The following PALM2AKAP2 variants were observed in gnomAD, a reference collection of about 807,000 sequenced individuals.
PALM2AKAP2 encodes PALM2 and AKAP2 fusion.
A neutral mutation model predicts 71.5 loss-of-function variants in PALM2AKAP2; 37 were observed. The observed-to-expected ratio is 0.52, with a 90% CI of 0.40 to 0.68. The LOEUF (loss-of-function observed/expected upper bound fraction) is 0.68. Among genes scored for constraint, PALM2AKAP2 ranks in the 30% least tolerant of loss-of-function variants. The pLI is 0.00. For missense variants in PALM2AKAP2, 1,224 were observed against 1,191.8 expected (o/e 1.03, Z -0.40); for synonymous variants, 468 against 478.8 (o/e 0.98, Z 0.29).
intron 1 of PALM2AKAP2, among the ~76,000 whole-genome samples, chr9:110,078,780 C>T (rs1834380341): frequency 6.6e-6 from 1 of 152,186 alleles, no homozygotes; most frequent in Non-Finnish European, 1.5e-5. Flanking sequence ...AGTAAACAAC[C>T]TCCCTTTGTA....
intron 1 of PALM2AKAP2, among the ~76,000 whole-genome samples, chr9:109,714,278 C>T (rs554405927): frequency 1.4e-4 from 21 of 152,252 alleles, no homozygotes; most frequent in South Asian, 8.3e-4. Context: ...AGGTTCATTA[C>T]GAAATCTCTC....
At chr9:109,671,627 G>T (rs1300575102) in intron 1 of PALM2AKAP2, among the ~76,000 whole-genome samples, 3 of 152,058 alleles carry the variant, frequency 2.0e-5, no homozygotes, top group Non-Finnish European at 4.4e-5. Flanking sequence ...CTAGTTCTGT[G>T]GAGAATATCA....
intron 6 of PALM2AKAP2, among the ~76,000 whole-genome samples, chr9:109,972,326 C>T (rs551803847): frequency 2.6e-5 from 4 of 152,310 alleles, no homozygotes; most frequent in South Asian, 4.1e-4. Context: ...CTTACCATTC[C>T]GTTGTCTTGA....
chr9:110,159,644 A>G (rs1394769003), intron 3 of PALM2AKAP2, among the ~76,000 whole-genome samples: 1 of 152,228 alleles, frequency 6.6e-6, no homozygotes, highest in Non-Finnish European at 1.5e-5. Context: ...AGTGAAAGAC[A>G]GAAGGAGAAA....
intron 6 of PALM2AKAP2, among the ~76,000 whole-genome samples, chr9:109,937,617 C>A (rs1831257464): frequency 6.6e-6 from 1 of 152,114 alleles, no homozygotes; most frequent in South Asian, 2.1e-4. Context: ...ATACTCCAAT[C>A]TCATTGTCAT....
At chr9:109,658,317 A>G (rs1159004354) in intron 1 of PALM2AKAP2, among the ~76,000 whole-genome samples, 2 of 152,148 alleles carry the variant, frequency 1.3e-5, no homozygotes, top group Non-Finnish European at 2.9e-5. Flanking sequence ...ACAAGATTCA[A>G]GTTGATAGGC....
rs528489533 is a variant in PALM2AKAP2 at position 109,848,540 on chromosome 9, G to A, written c.46-18951G>A. ...GCCTCCTAGAGCTCATGTCATGGCA[G>A]GACTGAGGGAAGTAGTCAGTTCTTG... is the stretch of plus-strand genomic sequence containing the variant. On this transcript the variant is annotated intron_variant, in intron 1 of 9. Coordinates refer to the PALM2AKAP2 transcript ENST00000302798. 2.0e-5 allele frequency among the ~76,000 whole-genome samples: 3 copies of A among 152,262 alleles called. No homozygotes were observed. In the East Asian group the frequency reaches 5.8e-4, roughly 29 times the overall value.
chr9:110,166,725 A>T (rs1273168605), intron 3 of PALM2AKAP2, among the ~76,000 whole-genome samples: 2 of 152,164 alleles, frequency 1.3e-5, no homozygotes, highest in African/African-American at 2.4e-5. Flanking sequence ...AGAGGAAGAT[A>T]TGTTGAAGCT....
exon 2 of PALM2AKAP2, chr9:110,137,442 C>A (rs757394275): frequency 1.9e-5 from 31 of 1,614,034 alleles, no homozygotes; most frequent in Non-Finnish European, 2.4e-5. Flanking sequence ...ACCCCATCGG[C>A]AGCAGGAAGC....
At position 110,037,364 on chromosome 9, in the gene PALM2AKAP2, G is replaced by C. The variant is rs144742703; in HGVS notation, c.582+21325G>C. 9.1e-3 allele frequency among the ~76,000 whole-genome samples: 1,384 copies of C among 152,154 alleles called. 7 individuals carry two copies. The highest frequency in any genetic ancestry group is 0.014 in the Non-Finnish European group (933 of 67,998). ...TGGGATTACAGACATGCGCCACCAC[G>C]CCCAGCTAATTTTGTATTTTTAGTA... On this transcript the variant is annotated intron_variant, in intron 7 of 9. Coordinates refer to the PALM2AKAP2 transcript ENST00000302798.
At chr9:110,150,437 C>T (rs747728625) in intron 2 of PALM2AKAP2, among the ~76,000 whole-genome samples, 15 of 152,122 alleles carry the variant, frequency 9.9e-5, no homozygotes, top group Admixed American at 3.9e-4. Context: ...TGGCTCATGG[C>T]CCCTTCCTCC....
At chr9:110,110,348 A>T (rs1835218575) in intron 1 of PALM2AKAP2, among the ~76,000 whole-genome samples, 1 of 152,024 alleles carries the variant, frequency 6.6e-6, no homozygotes, top group Non-Finnish European at 1.5e-5. Context: ...CCCCAGAAAA[A>T]GTCTGTTCTT....
chr9:109,799,504 T>A (rs1247584610), intron 1 of PALM2AKAP2, among the ~76,000 whole-genome samples: 2 of 152,122 alleles, frequency 1.3e-5, no homozygotes, highest in Non-Finnish European at 2.9e-5. Context: ...TTTGGGGAGT[T>A]TATTTTTGAG....
At chr9:110,112,055 CTTGGGAG>C (rs1437740139) in intron 1 of PALM2AKAP2, among the ~76,000 whole-genome samples, 1 of 151,984 alleles carries the variant, frequency 6.6e-6, no homozygotes, top group East Asian at 1.9e-4. Flanking sequence ...AACAGTCATT[CTTGGGAG>C]TGGCCAGACA....
chr9:109,771,044 T>C (rs140393567), intron 1 of PALM2AKAP2, among the ~76,000 whole-genome samples: 117 of 152,328 alleles, frequency 7.7e-4, no homozygotes, highest in Non-Finnish European at 1.3e-3. Context: ...CTATGCTTCC[T>C]CCCAACTTAA....
intron 3 of PALM2AKAP2, among the ~76,000 whole-genome samples, chr9:110,162,488 C>T (rs1486397767): frequency 6.6e-6 from 1 of 152,112 alleles, no homozygotes; most frequent in Non-Finnish European, 1.5e-5. Context: ...TATACTTGGC[C>T]TGGTTGGAAA....
chr9:109,878,048 G>A (rs1034402569), intron 2 of PALM2AKAP2, among the ~76,000 whole-genome samples: 2 of 152,178 alleles, frequency 1.3e-5, no homozygotes, highest in South Asian at 2.1e-4. Flanking sequence ...ATTTTGAGAG[G>A]TTTTTGTGGA....
At chr9:109,886,941 G>T (rs1302545591) in intron 3 of PALM2AKAP2, among the ~76,000 whole-genome samples, 4 of 152,174 alleles carry the variant, frequency 2.6e-5, no homozygotes, top group African/African-American at 9.6e-5. Flanking sequence ...AATATTCATT[G>T]AATAAAATAT....
intron 6 of PALM2AKAP2, among the ~76,000 whole-genome samples, chr9:110,010,392 A>G (rs922231703): frequency 1.3e-5 from 2 of 150,340 alleles, no homozygotes; most frequent in African/African-American, 4.9e-5. Flanking sequence ...AGTGCAGTAT[A>G]TAGAAGTATA....
Sources: allele counts gnomAD v4.1 joint callset (sites outside exome capture counted in the v4.1 genomes callset), GRCh38; gene constraint gnomAD v4.1.1; transcripts MANE v1.5; gene names NCBI Gene and HGNC (gene_info 2026-07-23, HGNC 2026-07-21).